MINAR1: variants seen among roughly 807,000 people sequenced by gnomAD.
MINAR1 encodes major intrinsically disordered Notch2-binding receptor 1.
MINAR1 carries 40 observed loss-of-function variants against 65.1 expected under a neutral mutation model. The observed-to-expected ratio is 0.61, with a 90% CI of 0.48 to 0.80. MINAR1 has a LOEUF of 0.80. Ranked by LOEUF, MINAR1 falls within the 30% of genes least tolerant of loss-of-function variation. The pLI, the probability that MINAR1 is intolerant of heterozygous loss-of-function variation, is 0.00. For synonymous variants in MINAR1, 482 were observed against 449.1 expected, an observed-to-expected ratio of 1.07 and a Z score of -0.93; for missense variants, 1,128 against 1,148.0, an observed-to-expected ratio of 0.98 and a Z score of 0.25.
rs780848255 is a variant in MINAR1, at chr15:79,456,959, C to T, written c.812C>T (p.Ser271Phe). ...GATTTTCACAATTTGATGGCAGTGT[C>T]CCCCAGTTTGGTTGGCCCCATCAGC... ...KEDFHNLMAVSPSLVGPISKA... is the reference protein window; with the variant it reads ...KEDFHNLMAVFPSLVGPISKA... Residue 271 changes from serine (S) to phenylalanine (F), a missense_variant, in exon 2 of 4, where the codon TCC becomes TTC. Physicochemically the swap from Ser to Phe is radical, Grantham distance 155. Transcript: ENST00000305428. The T allele has an allele frequency of 6.2e-7, 1 of 1,614,124 alleles. No individual in the cohort carries two copies. The highest frequency in any genetic ancestry group is 8.5e-7 in the Non-Finnish European group (1 of 1,180,010).
In MINAR1 at chr15:79,471,015, CCTAT is replaced by C. The variant is rs962874632; in HGVS notation, c.*2638_*2641del. 6.6e-6 allele frequency: 1 copy of C among 152,102 alleles called. No homozygotes were observed. Among genetic ancestry groups the C allele is most frequent in the Non-Finnish European group, 1.5e-5 (1 of 68,034 alleles). The allele number at this position is 152,102 out of a possible 1,614,324, so 9.4% of individuals were successfully genotyped here. A position where few individuals can be genotyped will look rare whatever the true frequency, so the allele number is the denominator to read the frequency against. ...TTCCTTCCCTGACCCTGAGACTCAC[CCTAT>C]CTATCTCCCCTATTCCCTCAGTTTG... On this transcript the variant is annotated 3_prime_UTR_variant, in exon 4 of 4. Transcript: ENST00000305428.
upstream of MINAR1, among the ~76,000 whole-genome samples, chr15:79,430,664 TCAAA>T (rs550359532): frequency 1.0e-3 from 155 of 152,284 alleles, no homozygotes; most frequent in African/African-American, 3.4e-3. Flanking sequence ...GTACAGTGAA[TCAAA>T]CAAACTTCAC....
intron 1 of MINAR1, among the ~76,000 whole-genome samples, chr15:79,442,990 G>A (rs903942504): frequency 6.6e-6 from 1 of 152,092 alleles, no homozygotes; most frequent in African/African-American, 2.4e-5. Flanking sequence ...CCCTGCATTG[G>A]TGAGAGAGGA....
In MINAR1 at chr15:79,448,879, T is replaced by G. The variant is rs922233034; in HGVS notation, c.-50-7219T>G. 3.3e-5 allele frequency among the ~76,000 whole-genome samples: 5 copies of G among 152,274 alleles called. No individual in the cohort carries two copies. The Middle Eastern group carries it at 0.01, about 311-fold the overall frequency. ...CTACAAACTATATCCCTAAATCATC[T>G]CTCTCTCTTTTTGCTCTGCTTTGAT... On this transcript the variant is annotated intron_variant, in intron 1 of 3. Transcript: ENST00000305428.
At chr15:79,442,039 AG>A (rs1217488459) in intron 1 of MINAR1, among the ~76,000 whole-genome samples, 2 of 144,320 alleles carry the variant, frequency 1.4e-5, no homozygotes, top group African/African-American at 2.5e-5. Context: ...TGTTTTTTCA[AG>A]GTTTTTTTAC....
In MINAR1 at chr15:79,456,187, A is replaced by G; in HGVS notation, c.40A>G (p.Ile14Val). 6.2e-7 allele frequency: 1 copy of G among 1,614,038 alleles called. No homozygotes were observed. Among genetic ancestry groups the G allele is most frequent in the Non-Finnish European group, 8.5e-7 (1 of 1,179,968 alleles). The change falls in exon 2 of 4, where the codon ATC (isoleucine) becomes GTC (valine). Residue 14 changes from isoleucine (I) to valine (V), a missense_variant. Physicochemically the swap from Ile to Val is conservative, Grantham distance 29. Transcript: ENST00000305428. Reference protein sequence around the residue: ...SQETSLFLVKILEELDSKQNT... With the variant: ...SQETSLFLVKVLEELDSKQNT... ...GGAAACTTCCCTCTTCTTGGTGAAG[A>G]TCTTGGAGGAACTGGACAGCAAGCA...
chr15:79,451,073 G>A (rs1050628015), intron 1 of MINAR1, among the ~76,000 whole-genome samples: 2 of 152,164 alleles, frequency 1.3e-5, no homozygotes, highest in South Asian at 4.1e-4. Flanking sequence ...GTGGGCCCCT[G>A]TCGCTCCTCT....
At chr15:79,455,226 C>T (rs1289377899) in intron 1 of MINAR1, among the ~76,000 whole-genome samples, 3 of 152,116 alleles carry the variant, frequency 2.0e-5, no homozygotes, top group East Asian at 1.9e-4. Context: ...ATTTACAATC[C>T]GAACTTACCA....
intron 1 of MINAR1, among the ~76,000 whole-genome samples, chr15:79,443,481 A>G (rs1324176987): frequency 6.6e-6 from 1 of 152,188 alleles, no homozygotes; most frequent in Non-Finnish European, 1.5e-5. Context: ...CCCCTCCCAG[A>G]AACCGCTATC....
intron 1 of MINAR1, among the ~76,000 whole-genome samples, chr15:79,451,591 A>G (rs1337368189): frequency 2.6e-5 from 4 of 152,084 alleles, no homozygotes; most frequent in Non-Finnish European, 5.9e-5. Context: ...GCTGCAGGCA[A>G]TCCCCAGTCT....
chr15:79,446,642 TATG>T (rs1895029553), intron 1 of MINAR1, among the ~76,000 whole-genome samples: 1 of 152,196 alleles, frequency 6.6e-6, no homozygotes, highest in African/African-American at 2.4e-5. Flanking sequence ...TTAGTTTCAA[TATG>T]ATGTGTTTAG....
chr15:79,452,657 AGTGTGG>A lies in MINAR1; in HGVS notation c.-50-3432_-50-3427del, dbSNP rs538457799. On this transcript the variant is annotated intron_variant, in intron 1 of 3. Transcript: ENST00000305428. Reference sequence around the variant, plus strand: ...GTGTGTGTGGGTGTGTGTCTGGGTGAGTGTGGGTGTGGGTATGAGTCTGGGTGTGTG... The same window carrying A: ...GTGTGTGTGGGTGTGTGTCTGGGTGAGTGTGGGTATGAGTCTGGGTGTGTG... 8.6e-3 allele frequency among the ~76,000 whole-genome samples: 785 copies of A among 91,576 alleles called. 8 individuals carry two copies. The highest frequency in any genetic ancestry group is 0.032 in the African/African-American group (752 of 23,574). The allele number at this position is 91,576 out of a possible 152,430, so 60.1% of individuals were successfully genotyped here.
the MINAR1 span, chr15:79,424,843 A>T: frequency 2.6e-5 from 4 of 152,192 alleles, no homozygotes; most frequent in Non-Finnish European, 5.9e-5. Flanking sequence ...TTGCTTTCCA[A>T]GTCACTTGGA....
At position 79,463,185 on chromosome 15, in the gene MINAR1, T is replaced by A. The variant is rs1391137582; in HGVS notation, c.2417T>A (p.Met806Lys). 5 of 1,614,214 alleles carry A rather than the reference T, an allele frequency of 3.1e-6. No homozygotes were observed. In the Admixed American group the frequency reaches 8.3e-5, roughly 27 times the overall value. ...HPYPASLKAH[M>K]KSNPLYTDMR... is the part of the protein sequence containing the mutation. The stretch of plus-strand genomic sequence containing the variant: ...TACCCTGCCTCCCTCAAGGCCCACA[T>A]GAAGAGCAACCCCCTGTACACAGAC... The change falls in exon 3 of 4, where the codon ATG becomes AAG. Residue 806 changes from methionine (M) to lysine (K), a missense_variant. Met to Lys is a moderately conservative substitution (Grantham distance 95, BLOSUM62 -1). Transcript: ENST00000305428.
chr15:79,463,151 C>T lies in MINAR1; in HGVS notation c.2383C>T (p.Pro795Ser), dbSNP rs1895708774. The T allele has an allele frequency of 2.5e-6, 4 of 1,614,090 alleles. No homozygotes were observed. The highest frequency in any genetic ancestry group is 1.3e-5 in the African/African-American group (1 of 74,936). ...DGFLVEQVFS[P>S]HPYPASLKAH... Reference sequence around the variant, plus strand: ...CTTCCTGGTGGAGCAGGTGTTCAGCCCTCACCCCTACCCTGCCTCCCTCAA... The same window carrying T: ...CTTCCTGGTGGAGCAGGTGTTCAGCTCTCACCCCTACCCTGCCTCCCTCAA... The change falls in exon 3 of 4, where the codon CCT (proline) becomes TCT (serine). Residue 795 changes from proline (P) to serine (S), a missense_variant. Transcript: ENST00000305428.
Position 79,452,741 on chromosome 15 carries a change from TGGGGGGG to T in MINAR1, c.-50-3355_-50-3349del, listed in dbSNP as rs398119013. On this transcript the variant is annotated intron_variant, in intron 1 of 3. Transcript: ENST00000305428. ...GTGTGGGTGAGTCTGTGTGGGTGTGTGGGGGGGGTGTGTGGGTGAGTGAAGCTGTGTG... is the reference window on the plus strand; with the variant it reads ...GTGTGGGTGAGTCTGTGTGGGTGTGTGTGTGTGGGTGAGTGAAGCTGTGTG... Among the ~76,000 whole-genome samples the T allele has an allele frequency of 7.5e-4, 67 of 89,878 alleles. 1 individual carries two copies. The highest frequency in any genetic ancestry group is 3.5e-3 in the Admixed American group (35 of 9,996). The allele number at this position is 89,878 out of a possible 152,430, so 59.0% of individuals were successfully genotyped here.
In MINAR1 at chr15:79,471,230, G is replaced by A. The variant is rs1341329021; in HGVS notation, c.*2846G>A. 1 of 152,098 alleles carries A rather than the reference G, an allele frequency of 6.6e-6. No homozygotes were observed. The highest frequency in any genetic ancestry group is 1.5e-5 in the Non-Finnish European group (1 of 68,036). 9.4% of individuals were successfully genotyped at this position (152,098 alleles called of 1,614,324 possible). On this transcript the variant is annotated 3_prime_UTR_variant, in exon 4 of 4. Transcript: ENST00000305428. ...GTAAAGGATAATTTCTTGTACCTGA[G>A]TCTAAAATTACAACGTTATCAAAAT...
the MINAR1 span, chr15:79,424,217 T>C: frequency 1.1e-4 from 16 of 152,354 alleles, no homozygotes; most frequent in Middle Eastern, 3.4e-3. Context: ...ACTCTCAGAA[T>C]GAGGCTTAGT....
At chr15:79,440,746 G>A (rs980779522) in intron 1 of MINAR1, among the ~76,000 whole-genome samples, 13 of 152,116 alleles carry the variant, frequency 8.5e-5, no homozygotes, top group African/African-American at 3.1e-4. Context: ...TTTCCCCTGC[G>A]CCTCCTCTGA....
Sources: gnomAD v4.1 joint callset for allele counts (sites outside exome capture counted in the v4.1 genomes callset) on GRCh38, gnomAD v4.1.1 for gene constraint, MANE v1.5 for transcripts, NCBI Gene and HGNC (gene_info 2026-07-23, HGNC 2026-07-21) for gene names.